Variants in FAT3 observed in about 807,000 individuals in gnomAD.
The protein encoded by FAT3 is protocadherin Fat 3.
FAT3 carries 95 observed loss-of-function variants against 310.2 expected under a neutral mutation model. That is an observed-to-expected ratio of 0.31 (90% confidence interval 0.26 to 0.36). The LOEUF is 0.36. Among genes scored for constraint, FAT3 ranks in the 10% least tolerant of loss-of-function variants. The probability of loss-of-function intolerance (pLI) is 1.00; values close to 1 mark genes in which losing one functional copy is unlikely to be tolerated. For synonymous variants in FAT3, 2,314 were observed against 2,192.9 expected, an observed-to-expected ratio of 1.06 and a Z score of -1.54; for missense variants, 5,408 against 5,715.6, an observed-to-expected ratio of 0.95 and a Z score of 1.74.
At chr11:92,445,067 C>A (rs1480834590) in intron 2 of FAT3, among the ~76,000 whole-genome samples, 1 of 152,038 alleles carries the variant, frequency 6.6e-6, no homozygotes, top group African/African-American at 2.4e-5. Flanking sequence ...TAGAAGATAG[C>A]CAAGAAGAGA....
intron 1 of FAT3, among the ~76,000 whole-genome samples, chr11:92,272,855 A>G (rs972222222): frequency 2.0e-5 from 3 of 152,180 alleles, no homozygotes; most frequent in Admixed American, 2.0e-4. Context: ...GTTGAGCAAA[A>G]TAAAGTATTC....
intron 3 of FAT3, among the ~76,000 whole-genome samples, chr11:92,679,851 A>C (rs1488343077): frequency 6.7e-6 from 1 of 149,674 alleles, no homozygotes; most frequent in Non-Finnish European, 1.5e-5. Flanking sequence ...CAAAAAAAAA[A>C]AAAAAAAAAA....
chr11:92,528,868 A>G (rs1953968797), intron 3 of FAT3, among the ~76,000 whole-genome samples: 1 of 152,216 alleles, frequency 6.6e-6, no homozygotes, highest in Non-Finnish European at 1.5e-5. Context: ...AATGTTAACT[A>G]TTACGATCAT....
intron 3 of FAT3, among the ~76,000 whole-genome samples, chr11:92,547,604 G>A (rs922291737): frequency 8.6e-5 from 13 of 151,976 alleles, no homozygotes; most frequent in African/African-American, 2.7e-4. Flanking sequence ...AGGAGAGCAG[G>A]CCCTACCTCC....
At chr11:92,366,627 G>A (rs576550119) in intron 2 of FAT3, 1 of 533,396 alleles carries the variant, frequency 1.9e-6, no homozygotes, top group Non-Finnish European at 3.8e-6. Flanking sequence ...CAGTTGACAG[G>A]TTCAGCTCCA....
At chr11:92,360,568 G>A (rs1326044792) in intron 2 of FAT3, among the ~76,000 whole-genome samples, 1 of 152,140 alleles carries the variant, frequency 6.6e-6, no homozygotes, top group Non-Finnish European at 1.5e-5. Flanking sequence ...ATCTCAAAAT[G>A]TAATTTTCTA....
intron 2 of FAT3, among the ~76,000 whole-genome samples, chr11:92,399,784 G>A (rs1245258341): frequency 6.6e-6 from 1 of 152,168 alleles, no homozygotes; most frequent in Non-Finnish European, 1.5e-5. Flanking sequence ...ACGCAAATCA[G>A]TTGTCAGCCA....
chr11:92,403,134 C>G (rs1019127058), intron 2 of FAT3: 1 of 152,204 alleles, frequency 6.6e-6, no homozygotes, highest in Non-Finnish European at 1.5e-5. Flanking sequence ...TCCTCTCCAC[C>G]ATTCTGTCTC....
chr11:92,272,292 A>G (rs566277305), intron 1 of FAT3, among the ~76,000 whole-genome samples: 3 of 152,222 alleles, frequency 2.0e-5, no homozygotes, highest in Non-Finnish European at 2.9e-5. Context: ...AATCAAGCAC[A>G]TAAGGCCGAG....
At chr11:92,511,408 T>C (rs2135310783) in intron 2 of FAT3, among the ~76,000 whole-genome samples, 1 of 152,228 alleles carries the variant, frequency 6.6e-6, no homozygotes, top group East Asian at 1.9e-4. Context: ...CTCTTATTCA[T>C]AGGGGGAGCT....
At chr11:92,486,129 G>GTTTTT (rs1565353395) in intron 2 of FAT3, among the ~76,000 whole-genome samples, 14 of 27,680 alleles carry the variant, frequency 5.1e-4, no homozygotes, top group African/African-American at 9.3e-4. Flanking sequence ...AGGCTGCTGG[G>GTTTTT]GTTTTTTTTT....
chr11:92,259,374 G>A (rs1413244615), intron 1 of FAT3, among the ~76,000 whole-genome samples: 2 of 152,054 alleles, frequency 1.3e-5, no homozygotes, highest in Non-Finnish European at 2.9e-5. Context: ...TTTGTGAAGA[G>A]GCAGAAGATT....
intron 4 of FAT3, among the ~76,000 whole-genome samples, chr11:92,711,003 A>T (rs140123520): frequency 1.3e-5 from 2 of 152,242 alleles, no homozygotes; most frequent in African/African-American, 4.8e-5. Context: ...TGTAACTATG[A>T]TCATATATGA....
At chr11:92,677,403 TTGAA>T (rs1425480635) in intron 3 of FAT3, among the ~76,000 whole-genome samples, 1 of 152,220 alleles carries the variant, frequency 6.6e-6, no homozygotes, top group Non-Finnish European at 1.5e-5. Flanking sequence ...ACTCTGAGAT[TTGAA>T]TCCAGTCCAT....
At chr11:92,703,822 C>A (rs1343436411) in intron 4 of FAT3, among the ~76,000 whole-genome samples, 2 of 152,238 alleles carry the variant, frequency 1.3e-5, no homozygotes, top group Non-Finnish European at 2.9e-5. Flanking sequence ...CTTTGACTTT[C>A]ACAGTAAGGT....
chr11:92,258,937 G>A (rs1259028104), intron 1 of FAT3, among the ~76,000 whole-genome samples: 1 of 151,898 alleles, frequency 6.6e-6, no homozygotes, highest in Non-Finnish European at 1.5e-5. Context: ...TGAAGGATTA[G>A]GGGTTAGATG....
chr11:92,670,113 T>G (rs1375009015), intron 3 of FAT3, among the ~76,000 whole-genome samples: 2 of 152,240 alleles, frequency 1.3e-5, no homozygotes, highest in East Asian at 3.8e-4. Context: ...TTAATATTTT[T>G]ATTAATGCTC....
At chr11:92,378,405 C>T (rs1054490521) in intron 2 of FAT3, among the ~76,000 whole-genome samples, 8 of 152,026 alleles carry the variant, frequency 5.3e-5, no homozygotes, top group Non-Finnish European at 1.2e-4. Flanking sequence ...TCTTATAAGC[C>T]TATTATTGGT....
chr11:92,531,415 A>G (rs868284106), intron 3 of FAT3, among the ~76,000 whole-genome samples: 13 of 152,038 alleles, frequency 8.6e-5, no homozygotes, highest in South Asian at 8.3e-4. Flanking sequence ...GGTGGGGGTC[A>G]TGGGGTTCCA....
Sources: allele counts gnomAD v4.1 joint callset (sites outside exome capture counted in the v4.1 genomes callset), GRCh38; gene constraint gnomAD v4.1.1; transcripts MANE v1.5; gene names NCBI Gene and HGNC (gene_info 2026-07-23, HGNC 2026-07-21).